The following MAJIN variants were observed in gnomAD, a reference collection of about 807,000 sequenced individuals.
The protein encoded by MAJIN is membrane anchored junction protein.
MAJIN carries 27 observed loss-of-function variants against 30.2 expected under a neutral mutation model. The observed-to-expected ratio is 0.89, with a 90% CI of 0.66 to 1.23. The LOEUF is 1.23. MAJIN is among the 50% of genes most tolerant of loss of function. MAJIN has a pLI of 0.00. For synonymous variants in MAJIN, 78 were observed against 91.6 expected, an observed-to-expected ratio of 0.85 and a Z score of 0.85; for missense variants, 253 against 260.3, an observed-to-expected ratio of 0.97 and a Z score of 0.19.
chr11:64,949,000 A>G (rs12787811), intron 6 of MAJIN, among the ~76,000 whole-genome samples: 7 of 150,644 alleles, frequency 4.6e-5, no homozygotes, highest in Non-Finnish European at 1.0e-4. Flanking sequence ...TTGTCCCTCA[A>G]TCAACAAAAA....
intron 1 of MAJIN, among the ~76,000 whole-genome samples, chr11:64,968,751 G>A (rs965227852): frequency 6.6e-5 from 10 of 151,340 alleles, no homozygotes; most frequent in Middle Eastern, 3.2e-3. Context: ...AGAATGGCAC[G>A]AACCCAGGAG....
At chr11:64,964,547 C>T (rs1269311897) in intron 1 of MAJIN, among the ~76,000 whole-genome samples, 1 of 152,030 alleles carries the variant, frequency 6.6e-6, no homozygotes, top group South Asian at 2.1e-4. Context: ...CACCACTCTG[C>T]GTGACAAAGG....
chr11:64,949,916 T>C (rs765649508), intron 5 of MAJIN, 48 bp from the exon 6 acceptor site: 1 of 1,589,486 alleles, frequency 6.3e-7, no homozygotes, highest in African/African-American at 1.3e-5. Flanking sequence ...TATGCATTCC[T>C]AAGTACTATT....
Position 64,969,833 on chromosome 11 carries a change from G to A in MAJIN, c.-65+2044C>T, listed in dbSNP as rs182935898. On this transcript the variant is annotated intron_variant, in intron 1 of 10. Coordinates refer to ENST00000301896, the MANE Select transcript of MAJIN (RefSeq NM_001037225.3). ...AGTAATGACCTGGTGACTTGATAAGGTGAGGGAGAGCGATGACTCCTGGTT... is the reference window on the plus strand; with the variant it reads ...AGTAATGACCTGGTGACTTGATAAGATGAGGGAGAGCGATGACTCCTGGTT... Among the ~76,000 whole-genome samples, 14 of 152,222 alleles carry A rather than the reference G, an allele frequency of 9.2e-5. No individual in the cohort carries two copies. In the East Asian group the frequency reaches 2.5e-3, roughly 27 times the overall value.
At chr11:64,965,267 T>C (rs535015130) in intron 1 of MAJIN, among the ~76,000 whole-genome samples, 1 of 152,278 alleles carries the variant, frequency 6.6e-6, no homozygotes, top group Admixed American at 6.5e-5. Context: ...TCAAACTTAG[T>C]TTTGTTTTGT....
intron 4 of MAJIN, chr11:64,954,256 C>A (rs1464801493): frequency 4.2e-6 from 1 of 238,426 alleles, no homozygotes; most frequent in East Asian, 1.1e-4. Flanking sequence ...CAGTCTTCTT[C>A]TGTAGGAAAA....
At chr11:64,959,451 A>C in intron 2 of MAJIN, 29 bp from the exon 3 acceptor site, 1 of 1,547,584 alleles carries the variant, frequency 6.5e-7, no homozygotes, top group Non-Finnish European at 8.9e-7. Context: ...GAATTACTAA[A>C]AAGCTAACGA....
Position 64,949,831 on chromosome 11 carries a change from G to T in MAJIN, c.261C>A (p.Phe87Leu), listed in dbSNP as rs781377867. Residue 87 changes from phenylalanine to leucine, a missense_variant, in exon 6 of 11, where the codon TTC becomes TTA. Transcript: ENST00000301896. ...SKWERVSHLK[F>L]KHGEIILIPY... is the part of the protein sequence containing the mutation. ...GGATCAAGATAATTTCCCCATGTTT[G>T]AATTTCAGGTGGGAAACTCTCTCCC... 14 of 1,608,840 alleles carry T rather than the reference G, an allele frequency of 8.7e-6. No individual in the cohort carries two copies. The highest frequency in any genetic ancestry group is 8.5e-7 in the Non-Finnish European group (1 of 1,179,806).
chr11:64,954,042 C>T (rs1945594609), intron 4 of MAJIN: 1 of 153,848 alleles, frequency 6.5e-6, no homozygotes, highest in Non-Finnish European at 1.4e-5. Context: ...TCACAAATTA[C>T]CGAATTGTGA....
chr11:64,946,582 G>A (rs1945456009), intron 8 of MAJIN, among the ~76,000 whole-genome samples: 1 of 152,100 alleles, frequency 6.6e-6, no homozygotes, highest in Non-Finnish European at 1.5e-5. Flanking sequence ...TGGAGAGCAT[G>A]GGGTCAGCTT....
At chr11:64,948,717 C>T (rs1159416233) in intron 6 of MAJIN, among the ~76,000 whole-genome samples, 16 of 114,666 alleles carry the variant, frequency 1.4e-4, no homozygotes, top group African/African-American at 3.0e-4. Flanking sequence ...AGTGCAGGGG[C>T]GTGATCTCAG....
At chr11:64,946,153 C>T (rs1250269098) in intron 8 of MAJIN, 1 of 1,534,552 alleles carries the variant, frequency 6.5e-7, no homozygotes, top group Non-Finnish European at 8.7e-7. Flanking sequence ...CTATCTTGGC[C>T]CTGAGGTGGG....
At chr11:64,943,515 T>C (rs536131369) in intron 8 of MAJIN, among the ~76,000 whole-genome samples, 33 of 152,316 alleles carry the variant, frequency 2.2e-4, no homozygotes, top group African/African-American at 7.9e-4. Flanking sequence ...CAATGGACCA[T>C]AGGAGCAAAT....
intron 8 of MAJIN, chr11:64,946,023 CAG>C: frequency 7.1e-7 from 1 of 1,398,646 alleles, no homozygotes; most frequent in Non-Finnish European, 9.4e-7. Context: ...TGACTTGTAA[CAG>C]AACAGGAATA....
At chr11:64,970,733 C>A (rs1288760813) in intron 1 of MAJIN, among the ~76,000 whole-genome samples, 1 of 152,134 alleles carries the variant, frequency 6.6e-6, no homozygotes, top group African/African-American at 2.4e-5. Flanking sequence ...AGTATACCTG[C>A]TGGCATCTTT....
At position 64,957,393 on chromosome 11, in the gene MAJIN, G is replaced by A. The variant is rs112777818; in HGVS notation, c.101+1912C>T. On this transcript the variant is annotated intron_variant, in intron 3 of 10. Transcript: ENST00000301896. ...CTGCACCTAGCCAAAAGTTCCCTTC[G>A]ATTTCTAGTTTATTGTTTTGTTTTG... Among the ~76,000 whole-genome samples, 354 of 151,350 alleles carry A rather than the reference G, an allele frequency of 2.3e-3. 1 individual carries two copies. Among genetic ancestry groups the A allele is most frequent in the Non-Finnish European group, 3.9e-3 (267 of 67,806 alleles).
intron 1 of MAJIN, among the ~76,000 whole-genome samples, chr11:64,961,978 G>A (rs1305594664): frequency 6.6e-6 from 1 of 151,718 alleles, no homozygotes; most frequent in East Asian, 1.9e-4. Context: ...TTGGAGACAG[G>A]GTCTCACTAT....
At chr11:64,946,367 G>C (rs1945452047) in intron 8 of MAJIN, among the ~76,000 whole-genome samples, 1 of 152,198 alleles carries the variant, frequency 6.6e-6, no homozygotes, top group Non-Finnish European at 1.5e-5. Flanking sequence ...TGGGGTTTGA[G>C]AAAGTGAAAA....
chr11:64,970,117 A>T (rs1259222596), intron 1 of MAJIN, among the ~76,000 whole-genome samples: 2 of 151,994 alleles, frequency 1.3e-5, no homozygotes, highest in Non-Finnish European at 2.9e-5. Flanking sequence ...TAATCCCAGC[A>T]CTTTGGGAGG....
Sources: allele counts gnomAD v4.1 joint callset (sites outside exome capture counted in the v4.1 genomes callset), GRCh38; gene constraint gnomAD v4.1.1; transcripts MANE v1.5; gene names NCBI Gene and HGNC (gene_info 2026-07-23, HGNC 2026-07-21).